ITFG1: variants seen among roughly 807,000 people sequenced by gnomAD.
ITFG1 encodes the protein integrin alpha FG-GAP repeat containing 1, also known as T-cell immunomodulatory protein.
Under a neutral mutation model 81.8 loss-of-function variants are expected in ITFG1, and 34 were observed. The observed-to-expected ratio is 0.42, with a 90% confidence interval of 0.32 to 0.55. The LOEUF is 0.55. Among genes scored for constraint, ITFG1 ranks in the 20% least tolerant of loss-of-function variants. The probability of loss-of-function intolerance (pLI) is 0.17; values close to 1 mark genes in which losing one functional copy is unlikely to be tolerated. For missense variants in ITFG1, 672 were observed against 755.4 expected (o/e 0.89, Z 1.29); for synonymous variants, 285 against 270.6 (o/e 1.05, Z -0.52).
At chr16:47,279,417 A>G (rs1966430734) in intron 10 of ITFG1, among the ~76,000 whole-genome samples, 1 of 152,112 alleles carries the variant, frequency 6.6e-6, no homozygotes, top group Non-Finnish European at 1.5e-5. Flanking sequence ...AAAAGAGACT[A>G]CACTTCTCTT....
intron 14 of ITFG1, among the ~76,000 whole-genome samples, chr16:47,186,865 T>C (rs1487655893): frequency 6.6e-6 from 1 of 152,188 alleles, no homozygotes; most frequent in African/African-American, 2.4e-5. Context: ...GAAAATCCCA[T>C]TGTCTCAGCC....
At chr16:47,216,807 G>A (rs1196041923) in intron 14 of ITFG1, among the ~76,000 whole-genome samples, 4 of 151,562 alleles carry the variant, frequency 2.6e-5, no homozygotes, top group African/African-American at 9.7e-5. Context: ...AATTACAGGC[G>A]ACCGCCACCA....
At chr16:47,346,597 A>G (rs1967858487) in intron 8 of ITFG1, among the ~76,000 whole-genome samples, 1 of 152,226 alleles carries the variant, frequency 6.6e-6, no homozygotes, top group Admixed American at 6.5e-5. Flanking sequence ...AACTGATAGT[A>G]CTGAAATACA....
intron 5 of ITFG1, among the ~76,000 whole-genome samples, chr16:47,433,770 A>AAT (rs59030134): frequency 0.048 from 5,920 of 124,406 alleles, 188 homozygotes; most frequent in African/African-American, 0.064. Context: ...ATAAAAACTG[A>AAT]ATATATATAT....
At chr16:47,297,137 T>G (rs1480152665) in intron 10 of ITFG1, among the ~76,000 whole-genome samples, 1 of 152,208 alleles carries the variant, frequency 6.6e-6, no homozygotes, top group Non-Finnish European at 1.5e-5. Flanking sequence ...GATTGTTATA[T>G]TCTCTTGTTG....
intron 14 of ITFG1, among the ~76,000 whole-genome samples, chr16:47,169,633 T>C (rs928229706): frequency 6.6e-6 from 1 of 152,178 alleles, no homozygotes; most frequent in African/African-American, 2.4e-5. Context: ...CACCTGCAAA[T>C]AGAAATCATT....
intron 6 of ITFG1, among the ~76,000 whole-genome samples, chr16:47,386,282 G>A (rs935916487): frequency 1.1e-4 from 16 of 152,174 alleles, no homozygotes; most frequent in African/African-American, 3.4e-4. Flanking sequence ...AGAAGAGCAA[G>A]AGCCTGTAAC....
chr16:47,282,686 G>A (rs1359098527), intron 10 of ITFG1, among the ~76,000 whole-genome samples: 1 of 152,108 alleles, frequency 6.6e-6, no homozygotes, highest in Non-Finnish European at 1.5e-5. Flanking sequence ...TTCCACAGAG[G>A]TTGTATTAAT....
intron 10 of ITFG1, among the ~76,000 whole-genome samples, chr16:47,302,048 C>CT (rs1967085119): frequency 1.3e-5 from 2 of 151,444 alleles, no homozygotes; most frequent in Admixed American, 1.3e-4. Flanking sequence ...AAAAAAAAAT[C>CT]TTTATGTTTC....
At chr16:47,409,385 TATATATATATATATA>T (rs1567490123) in intron 6 of ITFG1, among the ~76,000 whole-genome samples, 15 of 14,242 alleles carry the variant, frequency 1.1e-3, no homozygotes, top group Non-Finnish European at 1.4e-3. Context: ...TATATATATA[TATATATATATATATA>T]TATATTTTTT....
chr16:47,386,749 G>A (rs1968467978), intron 6 of ITFG1, among the ~76,000 whole-genome samples: 1 of 152,230 alleles, frequency 6.6e-6, no homozygotes, highest in South Asian at 2.1e-4. Flanking sequence ...CACCTCTGGA[G>A]CCATGCTCAG....
intron 14 of ITFG1, among the ~76,000 whole-genome samples, chr16:47,204,004 C>T (rs1965461062): frequency 6.6e-6 from 1 of 152,084 alleles, no homozygotes; most frequent in African/African-American, 2.4e-5. Context: ...GAACTGTATA[C>T]TTAAAAATGG....
At chr16:47,282,137 T>C (rs1247334112) in intron 10 of ITFG1, among the ~76,000 whole-genome samples, 1 of 151,698 alleles carries the variant, frequency 6.6e-6, no homozygotes. Flanking sequence ...AGTACAGTAG[T>C]ATATATTGTA....
intron 7 of ITFG1, among the ~76,000 whole-genome samples, chr16:47,371,737 C>G (rs1376900153): frequency 6.6e-6 from 1 of 152,028 alleles, no homozygotes; most frequent in Non-Finnish European, 1.5e-5. Context: ...TTGATTGTCA[C>G]AAGTGGGAGG....
At chr16:47,455,896 A>C (rs1969446710) in intron 2 of ITFG1, among the ~76,000 whole-genome samples, 1 of 152,056 alleles carries the variant, frequency 6.6e-6, no homozygotes, top group African/African-American at 2.4e-5. Context: ...AAGATAAAGG[A>C]ATAAAGGATG....
At chr16:47,162,889 G>A (rs975132349) in intron 14 of ITFG1, 3 of 295,844 alleles carry the variant, frequency 1.0e-5, no homozygotes, top group Admixed American at 1.0e-4. Context: ...ACTGCACTGA[G>A]CCTTGACCTC....
intron 1 of ITFG1, 53 bp downstream of exon 1, chr16:47,460,785 A>C: frequency 6.3e-7 from 1 of 1,586,378 alleles, no homozygotes; most frequent in Non-Finnish European, 8.6e-7. Flanking sequence ...TTTGGGGAAC[A>C]CCGGGAGAGG....
intron 8 of ITFG1, among the ~76,000 whole-genome samples, chr16:47,341,395 C>T (rs987106930): frequency 7.8e-5 from 11 of 141,180 alleles, no homozygotes; most frequent in Non-Finnish European, 1.4e-4. Context: ...TAGGACTGCG[C>T]CACTGAAAAA....
At chr16:47,335,968 C>T (rs1187741027) in intron 8 of ITFG1, among the ~76,000 whole-genome samples, 3 of 152,216 alleles carry the variant, frequency 2.0e-5, no homozygotes, top group Admixed American at 2.0e-4. Flanking sequence ...CTAAAGTCTC[C>T]CTCAACAGTT....
Sources: allele counts gnomAD v4.1 joint callset (sites outside exome capture counted in the v4.1 genomes callset), GRCh38; gene constraint gnomAD v4.1.1; transcripts MANE v1.5; gene names NCBI Gene and HGNC (gene_info 2026-07-23, HGNC 2026-07-21).